Variants in PCDH9 observed in about 807,000 individuals in gnomAD.
The protein encoded by PCDH9 is protocadherin-9.
Under a neutral mutation model 70.6 loss-of-function variants are expected in PCDH9, and 24 were observed. The ratio of observed to expected loss-of-function variants is 0.34; its 90% CI spans 0.25 to 0.48. PCDH9 has a LOEUF of 0.48. Ranked by LOEUF, PCDH9 falls within the 20% of genes least tolerant of loss-of-function variation. The pLI, the probability that PCDH9 is intolerant of heterozygous loss-of-function variation, is 0.99. For synonymous variants in PCDH9, 562 were observed against 558.5 expected, an observed-to-expected ratio of 1.01 and a Z score of -0.09; for missense variants, 1,281 against 1,503.6, an observed-to-expected ratio of 0.85 and a Z score of 2.45.
chr13:66,623,550 C>A (rs1380133340), intron 4 of PCDH9, among the ~76,000 whole-genome samples: 1 of 152,200 alleles, frequency 6.6e-6, no homozygotes, highest in Non-Finnish European at 1.5e-5. Context: ...GCAATCCCCC[C>A]ACCTCAGCCT....
At chr13:67,001,394 C>G (rs116325437) in intron 2 of PCDH9, among the ~76,000 whole-genome samples, 1 of 152,164 alleles carries the variant, frequency 6.6e-6, no homozygotes, top group African/African-American at 2.4e-5. Context: ...GAATAGGGAG[C>G]TATGCCATGC....
intron 4 of PCDH9, among the ~76,000 whole-genome samples, chr13:66,614,020 C>T (rs1308929112): frequency 6.6e-6 from 1 of 151,508 alleles, no homozygotes; most frequent in African/African-American, 2.4e-5. Context: ...GTGGAAGTAA[C>T]CACACCGTAA....
At chr13:66,644,870 T>C (rs974312627) in intron 3 of PCDH9, among the ~76,000 whole-genome samples, 1 of 152,070 alleles carries the variant, frequency 6.6e-6, no homozygotes. Context: ...GAGACATATT[T>C]CAGAGAGCTA....
intron 2 of PCDH9, chr13:67,224,797 C>T (rs1174634300): frequency 9.2e-6 from 8 of 866,710 alleles, no homozygotes; most frequent in South Asian, 5.3e-5. Context: ...TATTAAGTAC[C>T]GAATTTAATA....
intron 2 of PCDH9, among the ~76,000 whole-genome samples, chr13:67,045,356 C>T (rs969660674): frequency 6.6e-6 from 1 of 152,072 alleles, no homozygotes; most frequent in African/African-American, 2.4e-5. Flanking sequence ...TGTACAATTT[C>T]CTTTCAGTCC....
At chr13:66,734,324 T>C (rs114595515) in intron 3 of PCDH9, among the ~76,000 whole-genome samples, 1,715 of 152,264 alleles carry the variant, frequency 0.011, 36 homozygotes, top group African/African-American at 0.039. Flanking sequence ...ATGACAATAA[T>C]TGAAGTTTTA....
chr13:67,044,561 C>A (rs2085186614), intron 2 of PCDH9, among the ~76,000 whole-genome samples: 1 of 152,160 alleles, frequency 6.6e-6, no homozygotes, highest in African/African-American at 2.4e-5. Flanking sequence ...CCTAAGCTTG[C>A]TCCAGGCCAT....
At chr13:67,133,174 A>G in intron 2 of PCDH9, among the ~76,000 whole-genome samples, 1 of 152,196 alleles carries the variant, frequency 6.6e-6, no homozygotes, top group Non-Finnish European at 1.5e-5. Context: ...TAAAATATAA[A>G]ATAAATTTGA....
At chr13:66,441,884 A>G (rs1957981018) in intron 4 of PCDH9, among the ~76,000 whole-genome samples, 1 of 152,140 alleles carries the variant, frequency 6.6e-6, no homozygotes, top group Non-Finnish European at 1.5e-5. Flanking sequence ...GGGTTTCTAC[A>G]TTATAAGTTT....
At chr13:66,785,929 A>C (rs2080072832) in intron 3 of PCDH9, among the ~76,000 whole-genome samples, 1 of 152,210 alleles carries the variant, frequency 6.6e-6, no homozygotes, top group Non-Finnish European at 1.5e-5. Flanking sequence ...TTTTAAAAAT[A>C]ATATTGATAG....
chr13:66,992,575 T>C (rs1463936657), intron 2 of PCDH9, among the ~76,000 whole-genome samples: 1 of 152,206 alleles, frequency 6.6e-6, no homozygotes, highest in Non-Finnish European at 1.5e-5. Context: ...TTTGCAACTC[T>C]TTAATTTGTT....
At chr13:66,933,167 G>A (rs777900331) in intron 2 of PCDH9, among the ~76,000 whole-genome samples, 64 of 151,944 alleles carry the variant, frequency 4.2e-4, no homozygotes, top group Non-Finnish European at 7.5e-4. Flanking sequence ...TCCTGAACAT[G>A]TGATTTCTTA....
chr13:66,718,756 C>A (rs781196404), intron 3 of PCDH9, among the ~76,000 whole-genome samples: 1 of 152,122 alleles, frequency 6.6e-6, no homozygotes, highest in African/African-American at 2.4e-5. Context: ...AAATAAACAC[C>A]AGGGTTAACA....
At chr13:66,568,950 G>A (rs1039612599) in intron 4 of PCDH9, among the ~76,000 whole-genome samples, 5 of 144,200 alleles carry the variant, frequency 3.5e-5, no homozygotes, top group Admixed American at 6.9e-5. Context: ...TGAAAGGTTC[G>A]TATATATGGA....
chr13:66,459,920 A>G (rs543859870), intron 4 of PCDH9, among the ~76,000 whole-genome samples: 2 of 151,942 alleles, frequency 1.3e-5, no homozygotes, highest in Non-Finnish European at 2.9e-5. Context: ...CACGTAGAAT[A>G]TCATTATCTA....
intron 4 of PCDH9, among the ~76,000 whole-genome samples, chr13:66,392,725 A>C (rs1457012818): frequency 6.6e-6 from 1 of 152,134 alleles, no homozygotes; most frequent in African/African-American, 2.4e-5. Flanking sequence ...AGCCAGCACC[A>C]CTTTAGGTTA....
At chr13:66,662,487 A>T (rs1343823102) in intron 3 of PCDH9, among the ~76,000 whole-genome samples, 1 of 152,152 alleles carries the variant, frequency 6.6e-6, no homozygotes, top group Non-Finnish European at 1.5e-5. Flanking sequence ...AAAAAAAAGA[A>T]TGTCACATAA....
At chr13:66,552,020 T>C (rs1376223947) in intron 4 of PCDH9, among the ~76,000 whole-genome samples, 22 of 152,140 alleles carry the variant, frequency 1.4e-4, no homozygotes, top group Admixed American at 1.4e-3. Flanking sequence ...TTAATGTTGC[T>C]TGTCTTATAG....
chr13:66,993,118 T>G (rs765607954), intron 2 of PCDH9, among the ~76,000 whole-genome samples: 2 of 152,286 alleles, frequency 1.3e-5, no homozygotes, highest in Middle Eastern at 6.8e-3. Context: ...GAAGTATTGC[T>G]AACACTAGTT....
Sources: allele counts gnomAD v4.1 joint callset (sites outside exome capture counted in the v4.1 genomes callset), GRCh38; gene constraint gnomAD v4.1.1; transcripts MANE v1.5; gene names NCBI Gene and HGNC (gene_info 2026-07-23, HGNC 2026-07-21).